Variants in VRK2 observed in about 807,000 individuals in gnomAD.
VRK2 encodes VRK serine/threonine kinase 2.
VRK2 carries 60 observed loss-of-function variants against 57.6 expected under a neutral mutation model. The ratio of observed to expected loss-of-function variants is 1.04; its 90% CI spans 0.85 to 1.29. VRK2 has a LOEUF of 1.29. Ranked by LOEUF, VRK2 falls within the 50% of genes most tolerant of loss-of-function variation. VRK2 has a pLI of 0.00. For missense variants in VRK2, 705 were observed against 588.1 expected (o/e 1.20, Z -2.06); for synonymous variants, 231 against 199.2 (o/e 1.16, Z -1.35).
chr2:58,028,903 A>AATAAATATAT (rs1553378204), intron 2 of VRK2, among the ~76,000 whole-genome samples: 29 of 54,014 alleles, frequency 5.4e-4, no homozygotes, highest in South Asian at 9.0e-4. Context: ...TAAATAAATA[A>AATAAATATAT]ATATATATAT....
At chr2:58,133,176 A>G (rs1679465972) in intron 9 of VRK2, among the ~76,000 whole-genome samples, 1 of 152,086 alleles carries the variant, frequency 6.6e-6, no homozygotes, top group Admixed American at 6.5e-5. Flanking sequence ...CAATATGCAT[A>G]TACAGATACA....
At chr2:58,087,902 G>A (rs1008136683) in intron 5 of VRK2, among the ~76,000 whole-genome samples, 1 of 152,022 alleles carries the variant, frequency 6.6e-6, no homozygotes, top group Non-Finnish European at 1.5e-5. Context: ...CAGGAGAATC[G>A]CTTGAACCTG....
intron 1 of VRK2, among the ~76,000 whole-genome samples, chr2:57,923,190 C>T (rs1168446956): frequency 6.6e-6 from 1 of 152,036 alleles, no homozygotes; most frequent in Non-Finnish European, 1.5e-5. Context: ...CATAGAAGTG[C>T]AGATATCTCT....
Position 58,084,951 on chromosome 2 carries a change from G to A in VRK2, c.256+1G>A. 6.3e-7 allele frequency: 1 copy of A among 1,578,260 alleles called. No homozygotes were observed. Among genetic ancestry groups the A allele is most frequent in the East Asian group, 2.3e-5 (1 of 43,642 alleles). On this transcript the variant is annotated splice_donor_variant, in intron 4 of 12. Coordinates refer to ENST00000340157, the MANE Select transcript of VRK2 (RefSeq NM_006296.7). LOFTEE classifies it high-confidence loss of function. ...CAGAGAGTTGCAAAAAAAGACTGTA[G>A]TAAGTAAAATTAGCAAAGCAAGCTA... is the stretch of plus-strand genomic sequence containing the variant.
chr2:57,996,251 T>C (rs1672919569), intron 1 of VRK2, among the ~76,000 whole-genome samples: 1 of 152,186 alleles, frequency 6.6e-6, no homozygotes, highest in South Asian at 2.1e-4. Context: ...ATGACTATAA[T>C]GCCTTAGTGT....
At chr2:58,108,016 T>C (rs563236162) in intron 7 of VRK2, among the ~76,000 whole-genome samples, 1 of 152,232 alleles carries the variant, frequency 6.6e-6, no homozygotes, top group South Asian at 2.1e-4. Context: ...CCATCAACTT[T>C]TACTCTGTCA....
chr2:58,030,000 T>G (rs1200643883), intron 2 of VRK2, among the ~76,000 whole-genome samples: 2 of 152,166 alleles, frequency 1.3e-5, no homozygotes, highest in African/African-American at 2.4e-5. Context: ...ACTTTACTTT[T>G]CATCTACGTT....
At chr2:58,035,358 C>T (rs1010760892) in intron 3 of VRK2, among the ~76,000 whole-genome samples, 1 of 151,998 alleles carries the variant, frequency 6.6e-6, no homozygotes, top group Admixed American at 6.6e-5. Context: ...CTATGGTCTC[C>T]TTACTCTCTG....
At chr2:58,146,030 C>T (rs1016516390) in intron 11 of VRK2, among the ~76,000 whole-genome samples, 15 of 152,008 alleles carry the variant, frequency 9.9e-5, no homozygotes, top group Non-Finnish European at 2.2e-4. Flanking sequence ...CATTGATGCA[C>T]ATTTGGGTTG....
intron 5 of VRK2, among the ~76,000 whole-genome samples, chr2:58,087,040 A>G (rs1045043296): frequency 2.2e-4 from 34 of 152,374 alleles, no homozygotes; most frequent in African/African-American, 7.7e-4. Flanking sequence ...AATAAGTTAT[A>G]GAAATATCTT....
intron 1 of VRK2, among the ~76,000 whole-genome samples, chr2:57,968,829 AAT>A (rs1187575865): frequency 7.9e-5 from 12 of 152,116 alleles, no homozygotes; most frequent in Non-Finnish European, 4.4e-5. Flanking sequence ...AAATTCATGG[AAT>A]GTTAAAAAAT....
intron 1 of VRK2, 116 bp downstream of exon 1, chr2:58,046,984 G>GCCGTCCCAGCCCCCGGGCCTCAGCT (rs1674855002): frequency 3.0e-6 from 3 of 985,050 alleles, no homozygotes; most frequent in African/African-American, 3.5e-5. Context: ...GGGACTCCGG[G>GCCGTCCCAGCCCCCGGGCCTCAGCT]CCGTCCCAGC....
chr2:57,940,240 A>C (rs1002170864), intron 1 of VRK2, among the ~76,000 whole-genome samples: 2 of 152,132 alleles, frequency 1.3e-5, no homozygotes, highest in African/African-American at 2.4e-5. Context: ...TCTGAATCTC[A>C]AGGCCTGAGA....
intron 7 of VRK2, among the ~76,000 whole-genome samples, chr2:58,107,902 A>G (rs886493115): frequency 2.6e-5 from 4 of 151,902 alleles, no homozygotes; most frequent in African/African-American, 9.7e-5. Flanking sequence ...AAATGCTTCC[A>G]TTTGAGCCAG....
intron 2 of VRK2, among the ~76,000 whole-genome samples, chr2:58,053,998 A>G (rs1676139050): frequency 6.6e-6 from 1 of 152,144 alleles, no homozygotes; most frequent in Non-Finnish European, 1.5e-5. Flanking sequence ...AGTTTTGTAA[A>G]TTTAATACGT....
intron 1 of VRK2, among the ~76,000 whole-genome samples, chr2:57,946,850 A>G (rs1367686874): frequency 6.6e-6 from 1 of 152,146 alleles, no homozygotes. Context: ...GTGAGGATGC[A>G]TGAGAGACTT....
chr2:58,033,876 A>T (rs568200892), intron 3 of VRK2, among the ~76,000 whole-genome samples: 1 of 152,148 alleles, frequency 6.6e-6, no homozygotes, highest in Admixed American at 6.6e-5. Flanking sequence ...TTTTATGGCC[A>T]AAAAGAAATG....
At chr2:57,938,400 T>C (rs1428076332) in intron 1 of VRK2, among the ~76,000 whole-genome samples, 3 of 152,018 alleles carry the variant, frequency 2.0e-5, no homozygotes, top group African/African-American at 7.2e-5. Flanking sequence ...TGGAAGAAAA[T>C]TGGGTACTGG....
intron 1 of VRK2, among the ~76,000 whole-genome samples, chr2:57,978,309 G>GA (rs1266564870): frequency 6.6e-6 from 1 of 150,858 alleles, no homozygotes; most frequent in African/African-American, 2.5e-5. Context: ...GAAACAATTA[G>GA]AAAAAAATTA....
Sources: gnomAD v4.1 joint callset for allele counts (sites outside exome capture counted in the v4.1 genomes callset) on GRCh38, gnomAD v4.1.1 for gene constraint, MANE v1.5 for transcripts, NCBI Gene and HGNC (gene_info 2026-07-23, HGNC 2026-07-21) for gene names.